Variants in IKZF2 observed in about 807,000 individuals in gnomAD.
IKZF2 encodes IKAROS family zinc finger 2.
Under a neutral mutation model 49.2 loss-of-function variants are expected in IKZF2, and 15 were observed. The observed-to-expected ratio is 0.30, with a 90% CI of 0.20 to 0.47. The LOEUF is 0.47. Ranked by LOEUF, IKZF2 falls within the 20% of genes least tolerant of loss-of-function variation. IKZF2 has a pLI of 1.00. For missense variants in IKZF2, 567 were observed against 664.6 expected (o/e 0.85, Z 1.61); for synonymous variants, 227 against 221.4 (o/e 1.03, Z -0.23).
chr2:213,123,844 C>T (rs1290593612), intron 4 of IKZF2, among the ~76,000 whole-genome samples: 1 of 151,442 alleles, frequency 6.6e-6, no homozygotes, highest in East Asian at 1.9e-4. Flanking sequence ...AGGGCCAATG[C>T]AAAACACTCT....
At chr2:213,063,122 A>G (rs1336884241) in intron 4 of IKZF2, among the ~76,000 whole-genome samples, 1 of 152,042 alleles carries the variant, frequency 6.6e-6, no homozygotes, top group East Asian at 1.9e-4. Flanking sequence ...TTTGTTTTAT[A>G]AACGGTGGGA....
In IKZF2 at chr2:213,007,568, T is replaced by C. The variant is rs1695464146; in HGVS notation, c.1373A>G (p.Tyr458Cys). 1.2e-6 allele frequency: 2 copies of C among 1,613,740 alleles called. No individual in the cohort carries two copies. Among genetic ancestry groups the C allele is most frequent in the Non-Finnish European group, 1.7e-6 (2 of 1,179,744 alleles). ...KAPKGSLKDI[Y>C]KVFNGEGEQI... Reference sequence around the variant, plus strand: ...TTCTCCTTCTCCATTGAAGACCTTGTAGATGTCCTTCAGAGAGCCCTTAGG... The same window carrying C: ...TTCTCCTTCTCCATTGAAGACCTTGCAGATGTCCTTCAGAGAGCCCTTAGG... Residue 458 changes from tyrosine to cysteine, a missense_variant, in exon 9 of 9, where the codon TAC becomes TGC. By Grantham distance (194) the Tyr-to-Cys change is radical (BLOSUM62 -2). This residue lies in a region of IKZF2 where 310 missense variants were observed against 326.9 expected (regional missense o/e 0.95). Transcript: ENST00000434687.
intron 6 of IKZF2, among the ~76,000 whole-genome samples, chr2:213,038,548 G>T (rs752345493): frequency 6.7e-6 from 1 of 150,156 alleles, no homozygotes; most frequent in Non-Finnish European, 1.5e-5. Context: ...ATACACTGAA[G>T]AAGTTATTTA....
At chr2:213,032,717 C>T (rs1393754072) in intron 6 of IKZF2, among the ~76,000 whole-genome samples, 1 of 152,208 alleles carries the variant, frequency 6.6e-6, no homozygotes, top group Admixed American at 6.5e-5. Context: ...CACCACTGCA[C>T]TGCACATACA....
intron 4 of IKZF2, among the ~76,000 whole-genome samples, chr2:213,088,417 T>C (rs1462904746): frequency 6.6e-6 from 1 of 152,122 alleles, no homozygotes; most frequent in Admixed American, 6.6e-5. Flanking sequence ...TAAGTATTAA[T>C]TTATATCCAA....
intron 4 of IKZF2, among the ~76,000 whole-genome samples, chr2:213,132,149 A>G (rs2060493858): frequency 6.6e-6 from 1 of 152,144 alleles, no homozygotes; most frequent in Admixed American, 6.5e-5. Flanking sequence ...GAAAGATACT[A>G]TCCCAGTCGG....
rs58270171 is a variant in IKZF2 at position 213,005,191 on chromosome 2, T to TGGGGGGGGGGGGGGG, written c.*2168_*2169insCCCCCCCCCCCCCCC. 2 of 76,782 alleles carry TGGGGGGGGGGGGGGG rather than the reference T, an allele frequency of 2.6e-5. No individual in the cohort carries two copies. Among genetic ancestry groups the TGGGGGGGGGGGGGGG allele is most frequent in the Non-Finnish European group, 2.8e-5 (1 of 35,870 alleles). The allele number at this position is 76,782 out of a possible 1,614,324, so 4.8% of individuals were successfully genotyped here. A position where few individuals can be genotyped will look rare whatever the true frequency, so the allele number is the denominator to read the frequency against. Reference sequence around the variant, plus strand: ...CAATTATTATTTGGGAGTGGTTGGGTGGGGGGGGGTGAGCGAGTCTCAAAA... The same window carrying TGGGGGGGGGGGGGGG: ...CAATTATTATTTGGGAGTGGTTGGGTGGGGGGGGGGGGGGGGGGGGGGGGTGAGCGAGTCTCAAAA... On this transcript the variant is annotated 3_prime_UTR_variant, in exon 9 of 9. Coordinates refer to ENST00000434687, the MANE Select transcript of IKZF2 (RefSeq NM_001387220.1).
At chr2:213,049,104 T>A (rs1209925572) in intron 6 of IKZF2, among the ~76,000 whole-genome samples, 1 of 152,078 alleles carries the variant, frequency 6.6e-6, no homozygotes, top group African/African-American at 2.4e-5. Flanking sequence ...TTTTCTTTTA[T>A]TCCCAAGAAT....
At chr2:213,090,866 C>T (rs2125638277) in intron 4 of IKZF2, among the ~76,000 whole-genome samples, 1 of 152,262 alleles carries the variant, frequency 6.6e-6, no homozygotes, top group African/African-American at 2.4e-5. Context: ...ACTGCTTACA[C>T]CTTAATCTCA....
At chr2:213,057,225 T>C (rs1181112465) in intron 4 of IKZF2, 126 bp from the exon 5 acceptor site, 3 of 822,654 alleles carry the variant, frequency 3.6e-6, no homozygotes, top group East Asian at 2.7e-5. Flanking sequence ...ATAGAGTTCA[T>C]CATCGAATGC....
intron 6 of IKZF2, among the ~76,000 whole-genome samples, chr2:213,048,317 T>G (rs1005014657): frequency 5.3e-5 from 8 of 152,066 alleles, no homozygotes; most frequent in Non-Finnish European, 1.0e-4. Flanking sequence ...ACCATGATAT[T>G]AAAAACAACA....
At chr2:213,128,121 TAAAAC>T (rs1435192218) in intron 4 of IKZF2, among the ~76,000 whole-genome samples, 1 of 152,172 alleles carries the variant, frequency 6.6e-6, no homozygotes, top group Non-Finnish European at 1.5e-5. Context: ...TTCTAAATCT[TAAAAC>T]AAGGCAAAAC....
intron 6 of IKZF2, among the ~76,000 whole-genome samples, chr2:213,022,584 T>A (rs1396832356): frequency 1.3e-5 from 2 of 152,140 alleles, no homozygotes; most frequent in Non-Finnish European, 2.9e-5. Flanking sequence ...ATGTCACAGT[T>A]TAATAAAGAG....
chr2:213,034,652 G>A (rs749665868), intron 6 of IKZF2, among the ~76,000 whole-genome samples: 2 of 152,154 alleles, frequency 1.3e-5, no homozygotes, highest in Non-Finnish European at 2.9e-5. Flanking sequence ...GGTGTGGTTC[G>A]TGGTATCCTA....
intron 4 of IKZF2, among the ~76,000 whole-genome samples, chr2:213,070,115 A>T (rs763838331): frequency 2.0e-5 from 3 of 152,150 alleles, no homozygotes; most frequent in Non-Finnish European, 4.4e-5. Flanking sequence ...CAGAAATTTG[A>T]ACTAACTTCC....
intron 6 of IKZF2, among the ~76,000 whole-genome samples, chr2:213,037,127 G>T (rs746310323): frequency 1.2e-4 from 18 of 152,190 alleles, no homozygotes; most frequent in Non-Finnish European, 2.2e-4. Context: ...CTAAATCCAT[G>T]CAGGGTACAA....
chr2:213,056,703 A>C, intron 5 of IKZF2, 130 bp downstream of exon 5: 1 of 1,081,826 alleles, frequency 9.2e-7, no homozygotes, highest in Non-Finnish European at 1.4e-6. Flanking sequence ...GCAATCCAAT[A>C]CTAGCAGAAT....
intron 4 of IKZF2, among the ~76,000 whole-genome samples, chr2:213,088,611 T>G (rs764100127): frequency 6.6e-5 from 10 of 151,930 alleles, no homozygotes; most frequent in African/African-American, 2.4e-4. Flanking sequence ...ACATAAAAAT[T>G]AGCCAGTCAT....
chr2:213,072,914 G>C (rs1031253907), intron 4 of IKZF2, among the ~76,000 whole-genome samples: 3 of 152,038 alleles, frequency 2.0e-5, no homozygotes, highest in Non-Finnish European at 4.4e-5. Context: ...ATTTTATTCT[G>C]CTTAAGCTTC....
Sources: allele counts gnomAD v4.1 joint callset (sites outside exome capture counted in the v4.1 genomes callset), GRCh38; gene constraint gnomAD v4.1.1; regional missense constraint gnomAD v4.1.1; transcripts MANE v1.5; gene names NCBI Gene and HGNC (gene_info 2026-07-23, HGNC 2026-07-21).